Variants in WWP2 observed in about 807,000 individuals in gnomAD.
WWP2 encodes NEDD4-like E3 ubiquitin-protein ligase WWP2.
A neutral mutation model predicts 121.0 loss-of-function variants in WWP2; 57 were observed. The observed-to-expected ratio is 0.47, with a 90% CI of 0.38 to 0.59. WWP2 has a LOEUF of 0.59. Ranked by LOEUF, WWP2 falls within the 20% of genes least tolerant of loss-of-function variation. The pLI, the probability that WWP2 is intolerant of heterozygous loss-of-function variation, is 0.00. For missense variants in WWP2, 962 were observed against 1,158.9 expected (o/e 0.83, Z 2.47); for synonymous variants, 449 against 441.3 (o/e 1.02, Z -0.22).
intron 8 of WWP2, among the ~76,000 whole-genome samples, chr16:69,904,233 C>T (rs1398135954): frequency 1.3e-5 from 2 of 152,226 alleles, no homozygotes; most frequent in Non-Finnish European, 2.9e-5. Context: ...AGTATGTCGG[C>T]TGTCTTCTGT....
At chr16:69,804,541 C>A (rs772799446) in intron 4 of WWP2, among the ~76,000 whole-genome samples, 1 of 152,122 alleles carries the variant, frequency 6.6e-6, no homozygotes, top group Non-Finnish European at 1.5e-5. Context: ...TTGAATCCAT[C>A]GTTTTATTAG....
At chr16:69,767,852 T>A (rs1340043238) in intron 1 of WWP2, among the ~76,000 whole-genome samples, 1 of 152,222 alleles carries the variant, frequency 6.6e-6, no homozygotes, top group African/African-American at 2.4e-5. Context: ...TTTGTTTTGC[T>A]TTTGAGACAA....
rs1487389395 is a variant in WWP2 at position 69,778,949 on chromosome 16, ATTT to A, written c.-15-8046_-15-8044del. Among the ~76,000 whole-genome samples the A allele has an allele frequency of 1.9e-4, 25 of 129,648 alleles. No individual in the cohort carries two copies. In the Admixed American group the frequency reaches 2.0e-3, roughly 11 times the overall value. 85.1% of individuals were successfully genotyped at this position (129,648 alleles called of 152,430 possible). A position where few individuals can be genotyped will look rare whatever the true frequency, so the allele number is the denominator to read the frequency against. The stretch of plus-strand genomic sequence containing the variant: ...AGCTGTCACACCTGGCCGGTTATTT[ATTT>A]ATTTATTTATTTTTTGAGATGGAGT... On this transcript the variant is annotated intron_variant, in intron 1 of 23. Coordinates refer to ENST00000359154, the MANE Select transcript of WWP2 (RefSeq NM_001270454.2).
At position 69,937,444 on chromosome 16, in the gene WWP2, CA is replaced by C; in HGVS notation, c.2239-99del. 3 of 1,394,006 alleles carry C rather than the reference CA, an allele frequency of 2.2e-6. No homozygotes were observed. Among genetic ancestry groups the C allele is most frequent in the East Asian group, 2.3e-5 (1 of 42,942 alleles). The allele number at this position is 1,394,006 out of a possible 1,614,324, so 86.4% of individuals were successfully genotyped here. On this transcript the variant is annotated intron_variant, in intron 20 of 23. Coordinates refer to ENST00000359154, the MANE Select transcript of WWP2 (RefSeq NM_001270454.2). This position sits in a 1 kb window ranked among gnomAD's most constrained non-coding sequence, Gnocchi z 6.6. ...TTACCCATATTATTAACGCTGACAC[CA>C]AAAATAGCTAGTTGAATATGTTTGG...
intron 4 of WWP2, among the ~76,000 whole-genome samples, chr16:69,836,628 T>C (rs964888093): frequency 6.6e-6 from 1 of 152,184 alleles, no homozygotes; most frequent in African/African-American, 2.4e-5. Context: ...ATTTATTTTT[T>C]GAGACAGGGT....
chr16:69,855,495 T>C (rs1275400743), intron 6 of WWP2, among the ~76,000 whole-genome samples: 1 of 152,184 alleles, frequency 6.6e-6, no homozygotes, highest in Non-Finnish European at 1.5e-5. Flanking sequence ...CTTTTTTCCC[T>C]TGGTTTTATT....
Position 69,888,208 on chromosome 16 carries a change from G to C in WWP2, c.873G>C (p.Gln291His). Residue 291 changes from glutamine to histidine, a missense_variant, in exon 8 of 24, where the codon CAG (glutamine) becomes CAC (histidine). Physicochemically the swap from Gln to His is conservative, Grantham distance 24. Coordinates refer to ENST00000359154, the MANE Select transcript of WWP2 (RefSeq NM_001270454.2). Reference sequence around the variant, plus strand: ...AACCCAGCACTTCGGGTACACAGCAGCTCCCAGCGGCTGCCCAGGCCCCCG... The same window carrying C: ...AACCCAGCACTTCGGGTACACAGCACCTCCCAGCGGCTGCCCAGGCCCCCG... ...GEEPSTSGTQ[Q>H]LPAAAQAPDA... is the part of the protein sequence containing the mutation. The C allele has an allele frequency of 6.2e-7, 1 of 1,614,164 alleles. No homozygotes were observed. The highest frequency in any genetic ancestry group is 8.5e-7 in the Non-Finnish European group (1 of 1,180,026).
intron 6 of WWP2, among the ~76,000 whole-genome samples, chr16:69,842,352 CA>C (rs1402011748): frequency 6.6e-6 from 1 of 151,190 alleles, no homozygotes; most frequent in African/African-American, 2.4e-5. Context: ...ATTTTAGATT[CA>C]GGGGGTACAT....
chr16:69,936,857 A>G (rs897427925), intron 19 of WWP2: 2 of 497,652 alleles, frequency 4.0e-6, no homozygotes, highest in Non-Finnish European at 7.2e-6. Flanking sequence ...CCACGCTTCC[A>G]TACGTCTGAG....
chr16:69,902,536 G>A (rs1255883720), intron 8 of WWP2, among the ~76,000 whole-genome samples: 1 of 152,160 alleles, frequency 6.6e-6, no homozygotes, highest in African/African-American at 2.4e-5. Flanking sequence ...AACAAGCTTG[G>A]TGCTTTGAAC....
intron 4 of WWP2, among the ~76,000 whole-genome samples, chr16:69,801,411 T>A (rs2056163803): frequency 6.6e-6 from 1 of 151,892 alleles, no homozygotes; most frequent in Non-Finnish European, 1.5e-5. Flanking sequence ...GTATTTCATA[T>A]TTTTAGTAGA....
intron 16 of WWP2, among the ~76,000 whole-genome samples, chr16:69,932,285 G>A (rs778906546): frequency 7.9e-5 from 12 of 152,244 alleles, no homozygotes; most frequent in Non-Finnish European, 1.2e-4. Context: ...AGCCGAGATC[G>A]TGCCATTGCA....
chr16:69,910,652 G>T (rs149893009), intron 9 of WWP2, among the ~76,000 whole-genome samples: 1 of 152,058 alleles, frequency 6.6e-6, no homozygotes, highest in African/African-American at 2.4e-5. Flanking sequence ...CTTGTGATTC[G>T]CCTGCCTTTG....
Position 69,903,548 on chromosome 16 carries a change from C to G in WWP2, c.915-5213C>G, listed in dbSNP as rs913026211. ...CTTTGGGAGGCCGAGGAGGGTGGAT[C>G]ACAAGGTCAGAAGATCGAGACCATC... On this transcript the variant is annotated intron_variant, in intron 8 of 23. Coordinates refer to ENST00000359154, the MANE Select transcript of WWP2 (RefSeq NM_001270454.2). Among the ~76,000 whole-genome samples, 4 of 152,068 alleles carry G rather than the reference C, an allele frequency of 2.6e-5. No individual in the cohort carries two copies. The East Asian group carries it at 7.7e-4, about 29-fold the overall frequency.
chr16:69,896,373 G>C (rs988695296), intron 8 of WWP2, among the ~76,000 whole-genome samples: 7 of 152,082 alleles, frequency 4.6e-5, no homozygotes, highest in Non-Finnish European at 1.0e-4. Flanking sequence ...CTCCTATCTT[G>C]GCCTACCAAA....
In WWP2 at chr16:69,819,401, C is replaced by T. The variant is rs1490295490; in HGVS notation, c.340+20106C>T. Among the ~76,000 whole-genome samples, 4 of 152,302 alleles carry T rather than the reference C, an allele frequency of 2.6e-5. No individual in the cohort carries two copies. The East Asian group carries it at 5.8e-4, about 22-fold the overall frequency. Reference sequence around the variant, plus strand: ...TTACCTCATCTCAAACATGCTCCTCCGCTTTCCAGATCCCTCGGGCCACAG... The same window carrying T: ...TTACCTCATCTCAAACATGCTCCTCTGCTTTCCAGATCCCTCGGGCCACAG... On this transcript the variant is annotated intron_variant, in intron 4 of 23. Coordinates refer to ENST00000359154, the MANE Select transcript of WWP2 (RefSeq NM_001270454.2).
chr16:69,909,007 G>C, intron 9 of WWP2, 157 bp downstream of exon 9: 3 of 1,440,588 alleles, frequency 2.1e-6, no homozygotes, highest in Non-Finnish European at 2.7e-6. Flanking sequence ...CCTTAATATT[G>C]CTCCCATGTC....
intron 1 of WWP2, among the ~76,000 whole-genome samples, chr16:69,782,417 A>C (rs895233266): frequency 2.0e-5 from 3 of 152,180 alleles, no homozygotes; most frequent in Non-Finnish European, 4.4e-5. Flanking sequence ...CAGGTGGGGC[A>C]GGAGGAGGAT....
At chr16:69,933,874 A>T in intron 16 of WWP2, 96 bp from the exon 17 acceptor site, 1 of 1,432,250 alleles carries the variant, frequency 7.0e-7, no homozygotes, top group South Asian at 1.3e-5. Context: ...GTGTCCCCAT[A>T]CTAACCTGAG....
Sources: gnomAD v4.1 joint callset for allele counts (sites outside exome capture counted in the v4.1 genomes callset) on GRCh38, gnomAD v4.1.1 for gene constraint, Gnocchi (gnomAD v3.1) non-coding constraint, MANE v1.5 for transcripts, NCBI Gene and HGNC (gene_info 2026-07-23, HGNC 2026-07-21) for gene names.